The following NOS1AP variants were observed in gnomAD, a reference collection of about 807,000 sequenced individuals.
NOS1AP encodes carboxyl-terminal PDZ ligand of neuronal nitric oxide synthase protein.
A neutral mutation model predicts 56.2 loss-of-function variants in NOS1AP; 21 were observed. The observed-to-expected ratio is 0.37, with a 90% CI of 0.26 to 0.54. The LOEUF (loss-of-function observed/expected upper bound fraction) is 0.54. Ranked by LOEUF, NOS1AP falls within the 20% of genes least tolerant of loss-of-function variation. The probability of loss-of-function intolerance (pLI) is 0.84; values close to 1 mark genes in which losing one functional copy is unlikely to be tolerated. For missense variants in NOS1AP, 522 were observed against 657.8 expected (o/e 0.79, Z 2.26); for synonymous variants, 270 against 274.6 (o/e 0.98, Z 0.17).
chr1:162,114,731 A>T (rs1647866788), intron 1 of NOS1AP, among the ~76,000 whole-genome samples: 2 of 152,202 alleles, frequency 1.3e-5, no homozygotes, highest in South Asian at 4.1e-4. Context: ...CAGTGGTCTC[A>T]TCGGGACCTG....
intron 2 of NOS1AP, among the ~76,000 whole-genome samples, chr1:162,257,137 T>G (rs1487403875): frequency 6.6e-6 from 1 of 152,152 alleles, no homozygotes; most frequent in Non-Finnish European, 1.5e-5. Flanking sequence ...GCTCATTACA[T>G]AGCCAGCTGC....
intron 6 of NOS1AP, among the ~76,000 whole-genome samples, chr1:162,352,823 A>G (rs952953876): frequency 1.3e-5 from 2 of 152,188 alleles, no homozygotes; most frequent in Non-Finnish European, 2.9e-5. Context: ...GCTTCGACAT[A>G]TGAACACCAA....
At chr1:162,308,740 T>C (rs1186533938) in intron 4 of NOS1AP, among the ~76,000 whole-genome samples, 1 of 152,158 alleles carries the variant, frequency 6.6e-6, no homozygotes, top group African/African-American at 2.4e-5. Context: ...GAAAGGTAAA[T>C]TTGGAGCTGA....
intron 2 of NOS1AP, among the ~76,000 whole-genome samples, chr1:162,185,481 C>T (rs1427188262): frequency 6.6e-6 from 1 of 152,186 alleles, no homozygotes; most frequent in African/African-American, 2.4e-5. Flanking sequence ...TTGAAGAACT[C>T]AAGTCTTGAT....
At chr1:162,321,907 A>G (rs1346872166) in intron 4 of NOS1AP, among the ~76,000 whole-genome samples, 1 of 101,330 alleles carries the variant, frequency 9.9e-6, no homozygotes, top group Non-Finnish European at 2.5e-5. Context: ...GGACTCCAAA[A>G]GGGAAGAGGG....
intron 2 of NOS1AP, among the ~76,000 whole-genome samples, chr1:162,285,431 C>T (rs1655058700): frequency 6.6e-6 from 1 of 152,200 alleles, no homozygotes; most frequent in Admixed American, 6.5e-5. Context: ...GTTCATCCAG[C>T]ACTGCAGCTG....
At chr1:162,088,424 A>G (rs982130839) in intron 1 of NOS1AP, among the ~76,000 whole-genome samples, 1 of 152,154 alleles carries the variant, frequency 6.6e-6, no homozygotes, top group African/African-American at 2.4e-5. Context: ...TGATTTTGCC[A>G]TGTGCAGCCA....
intron 2 of NOS1AP, among the ~76,000 whole-genome samples, chr1:162,238,259 A>T (rs1444967060): frequency 6.6e-6 from 1 of 152,082 alleles, no homozygotes; most frequent in Non-Finnish European, 1.5e-5. Flanking sequence ...CCTTTGGAGC[A>T]TGGATGGGTT....
At chr1:162,213,383 T>C (rs976161143) in intron 2 of NOS1AP, among the ~76,000 whole-genome samples, 6 of 152,174 alleles carry the variant, frequency 3.9e-5, no homozygotes, top group East Asian at 1.9e-4. Flanking sequence ...AATTTTTGCA[T>C]TGAGGGAGGA....
At chr1:162,347,842 C>T (rs1657352840) in intron 6 of NOS1AP, among the ~76,000 whole-genome samples, 2 of 152,240 alleles carry the variant, frequency 1.3e-5, no homozygotes, top group Non-Finnish European at 2.9e-5. Flanking sequence ...TTTTCAGCCA[C>T]AGTCAACGCC....
intron 1 of NOS1AP, among the ~76,000 whole-genome samples, chr1:162,154,007 A>C (rs4656355): frequency 1.3e-5 from 2 of 150,366 alleles, no homozygotes; most frequent in Non-Finnish European, 3.0e-5. Context: ...ATATTTGCCA[A>C]TCACTTTTGT....
intron 6 of NOS1AP, among the ~76,000 whole-genome samples, chr1:162,344,229 A>T (rs1657204366): frequency 6.6e-6 from 1 of 152,220 alleles, no homozygotes; most frequent in South Asian, 2.1e-4. Flanking sequence ...CTATACTACC[A>T]AATCTGACTT....
chr1:162,217,170 C>T (rs940203618), intron 2 of NOS1AP, among the ~76,000 whole-genome samples: 2 of 151,784 alleles, frequency 1.3e-5, no homozygotes, highest in South Asian at 4.2e-4. Flanking sequence ...GGGAAACAAG[C>T]CTATACGACT....
chr1:162,155,775 T>G (rs542582744), intron 2 of NOS1AP, among the ~76,000 whole-genome samples: 1 of 152,204 alleles, frequency 6.6e-6, no homozygotes, highest in Non-Finnish European at 1.5e-5. Context: ...CTTGTACTTG[T>G]GCATTTCAAA....
chr1:162,187,148 G>A (rs1651463278), intron 2 of NOS1AP, among the ~76,000 whole-genome samples: 1 of 151,940 alleles, frequency 6.6e-6, no homozygotes, highest in African/African-American at 2.4e-5. Context: ...TGTATTTTTT[G>A]TAAAGATGGG....
chr1:162,199,636 G>GTGTT (rs777361649), intron 2 of NOS1AP, among the ~76,000 whole-genome samples: 1 of 124,100 alleles, frequency 8.1e-6, no homozygotes, highest in Non-Finnish European at 1.7e-5. Context: ...GTGTGTGTGT[G>GTGTT]TGTGTCTGTG....
intron 2 of NOS1AP, among the ~76,000 whole-genome samples, chr1:162,281,265 G>T (rs1654916075): frequency 6.6e-6 from 1 of 152,190 alleles, no homozygotes; most frequent in South Asian, 2.1e-4. Flanking sequence ...TAATAATTTG[G>T]TAATTAACTT....
intron 1 of NOS1AP, among the ~76,000 whole-genome samples, chr1:162,149,596 C>T (rs1480534195): frequency 6.6e-6 from 1 of 152,214 alleles, no homozygotes; most frequent in African/African-American, 2.4e-5. Context: ...GTGCAGTAGA[C>T]TTTCTGACCC....
At chr1:162,247,194 A>G (rs1374317239) in intron 2 of NOS1AP, among the ~76,000 whole-genome samples, 2 of 152,200 alleles carry the variant, frequency 1.3e-5, no homozygotes, top group Admixed American at 6.5e-5. Flanking sequence ...AACCAGTGTC[A>G]CCAATCCCAT....
Sources: allele counts gnomAD v4.1 joint callset (sites outside exome capture counted in the v4.1 genomes callset), GRCh38; gene constraint gnomAD v4.1.1; transcripts MANE v1.5; gene names NCBI Gene and HGNC (gene_info 2026-07-23, HGNC 2026-07-21).